The following VMP1 variants were observed in gnomAD, a reference collection of about 807,000 sequenced individuals.
VMP1 encodes the protein ectopic P-granules autophagy protein 3 homolog.
VMP1 carries 11 observed loss-of-function variants against 56.0 expected under a neutral mutation model. The observed-to-expected ratio is 0.20, with a 90% confidence interval of 0.12 to 0.32. VMP1 has a LOEUF of 0.32. VMP1 is among the 10% of genes least tolerant of loss of function. The probability of loss-of-function intolerance (pLI) is 1.00; values close to 1 mark genes in which losing one functional copy is unlikely to be tolerated. For synonymous variants in VMP1, 149 were observed against 165.0 expected, an observed-to-expected ratio of 0.90 and a Z score of 0.74; for missense variants, 296 against 490.3, an observed-to-expected ratio of 0.60 and a Z score of 3.74.
At chr17:59,768,114 A>C (rs1305241708) in intron 6 of VMP1, among the ~76,000 whole-genome samples, 1 of 152,160 alleles carries the variant, frequency 6.6e-6, no homozygotes, top group African/African-American at 2.4e-5. Flanking sequence ...CATCTCAAAA[A>C]AAAAATTAAT....
chr17:59,821,080 C>G (rs1196168293), intron 10 of VMP1, among the ~76,000 whole-genome samples: 1 of 151,328 alleles, frequency 6.6e-6, no homozygotes, highest in Non-Finnish European at 1.5e-5. Flanking sequence ...ATGCCATTCT[C>G]CTGCCTCAGC....
intron 7 of VMP1, among the ~76,000 whole-genome samples, chr17:59,805,137 G>A (rs1005085937): frequency 6.6e-6 from 1 of 152,090 alleles, no homozygotes; most frequent in Non-Finnish European, 1.5e-5. Context: ...GTAAAAGGAG[G>A]TTTCAGCTTC....
At position 59,840,046 on chromosome 17, in the gene VMP1, A is replaced by C; in HGVS notation, c.*135A>C. The C allele has an allele frequency of 8.5e-7, 1 of 1,175,778 alleles. No homozygotes were observed. Among genetic ancestry groups the C allele is most frequent in the Non-Finnish European group, 1.2e-6 (1 of 840,948 alleles). 72.8% of individuals were successfully genotyped at this position (1,175,778 alleles called of 1,614,324 possible). On this transcript the variant is annotated 3_prime_UTR_variant, in exon 12 of 12. Transcript: ENST00000262291. ...ACAACTTTTTTCCTGAAAGCAGTTT[A>C]GTCCATACTTTGCACTGACATACTT...
At chr17:59,802,302 G>T (rs1290976603) in intron 7 of VMP1, among the ~76,000 whole-genome samples, 2 of 151,816 alleles carry the variant, frequency 1.3e-5, no homozygotes, top group Non-Finnish European at 2.9e-5. Flanking sequence ...GTAACAGGTT[G>T]TGTAGGTTTG....
intron 7 of VMP1, among the ~76,000 whole-genome samples, chr17:59,774,166 A>C (rs1174702292): frequency 6.6e-6 from 1 of 152,182 alleles, no homozygotes; most frequent in African/African-American, 2.4e-5. Flanking sequence ...AAGGAGCTGA[A>C]ACTTACTTTC....
chr17:59,741,803 T>C (rs2035236364), intron 5 of VMP1, among the ~76,000 whole-genome samples: 1 of 152,216 alleles, frequency 6.6e-6, no homozygotes, highest in Admixed American at 6.5e-5. Flanking sequence ...TACAACACAT[T>C]GTTATTAACT....
intron 9 of VMP1, among the ~76,000 whole-genome samples, chr17:59,815,575 C>T (rs1360883906): frequency 5.3e-5 from 8 of 152,174 alleles, no homozygotes; most frequent in Middle Eastern, 3.4e-3. Context: ...TCTTTCTGGC[C>T]GGGTGCGGTG....
At chr17:59,709,641 T>C (rs1178761394) in intron 1 of VMP1, among the ~76,000 whole-genome samples, 2 of 152,220 alleles carry the variant, frequency 1.3e-5, no homozygotes, top group African/African-American at 2.4e-5. Context: ...CACATACTTT[T>C]CTGAGATGAT....
At chr17:59,823,750 CA>C (rs976122886) in intron 10 of VMP1, among the ~76,000 whole-genome samples, 68 of 137,664 alleles carry the variant, frequency 4.9e-4, no homozygotes, top group Admixed American at 9.5e-4. Context: ...GACTCTGCCT[CA>C]AAAAAAAAAA....
chr17:59,797,099 C>T (rs1334930605), intron 7 of VMP1, among the ~76,000 whole-genome samples: 3 of 151,934 alleles, frequency 2.0e-5, no homozygotes, highest in Admixed American at 6.6e-5. Flanking sequence ...TTTGGGAGAG[C>T]AAGGCAGGCG....
At chr17:59,785,659 C>G (rs1168635088) in intron 7 of VMP1, among the ~76,000 whole-genome samples, 4 of 140,844 alleles carry the variant, frequency 2.8e-5, no homozygotes, top group Non-Finnish European at 6.0e-5. Flanking sequence ...CACTGCACTC[C>G]AGCCTAGGTG....
At chr17:59,810,024 A>G (rs935485418) in intron 8 of VMP1, among the ~76,000 whole-genome samples, 3 of 152,140 alleles carry the variant, frequency 2.0e-5, no homozygotes, top group African/African-American at 4.8e-5. Flanking sequence ...TCTTTCCTCA[A>G]ATTTATAGAT....
chr17:59,793,120 C>T (rs1255721977), intron 7 of VMP1, among the ~76,000 whole-genome samples: 1 of 111,890 alleles, frequency 8.9e-6, no homozygotes, highest in African/African-American at 2.6e-5. Flanking sequence ...TCAAGCAATT[C>T]TCCTGCCTCG....
intron 1 of VMP1, among the ~76,000 whole-genome samples, chr17:59,713,222 G>A (rs541448133): frequency 1.5e-3 from 234 of 151,632 alleles, no homozygotes; most frequent in Non-Finnish European, 1.9e-3. Context: ...GGACACAGGA[G>A]GGGGGACATC....
At chr17:59,833,088 C>T (rs1008752820) in intron 10 of VMP1, among the ~76,000 whole-genome samples, 1 of 152,002 alleles carries the variant, frequency 6.6e-6, no homozygotes, top group Non-Finnish European at 1.5e-5. Flanking sequence ...AGCCTTTGAA[C>T]TGTGTTGCAA....
At chr17:59,816,990 C>T (rs1310248193) in intron 9 of VMP1, among the ~76,000 whole-genome samples, 9 of 147,982 alleles carry the variant, frequency 6.1e-5, no homozygotes, top group South Asian at 4.3e-4. Context: ...AAAAAAGGGC[C>T]GGGCGCAATG....
chr17:59,711,557 C>T (rs2033935400), intron 1 of VMP1, among the ~76,000 whole-genome samples: 1 of 152,118 alleles, frequency 6.6e-6, no homozygotes, highest in Non-Finnish European at 1.5e-5. Flanking sequence ...CATATTGCCT[C>T]AAGAAATTCC....
intron 5 of VMP1, among the ~76,000 whole-genome samples, chr17:59,741,019 T>C (rs2035206460): frequency 6.6e-6 from 1 of 152,010 alleles, no homozygotes; most frequent in African/African-American, 2.4e-5. Flanking sequence ...GCAACACATC[T>C]CTACATCTCT....
chr17:59,713,683 CTTTTT>C (rs3064256), intron 1 of VMP1, among the ~76,000 whole-genome samples: 2 of 108,722 alleles, frequency 1.8e-5, no homozygotes, highest in Admixed American at 9.6e-5. Context: ...CCCCATCTCT[CTTTTT>C]TTTTTTTTTT....
Sources: gnomAD v4.1 joint callset for allele counts (sites outside exome capture counted in the v4.1 genomes callset) on GRCh38, gnomAD v4.1.1 for gene constraint, MANE v1.5 for transcripts, NCBI Gene and HGNC (gene_info 2026-07-23, HGNC 2026-07-21) for gene names.